GNAZ: variants seen among roughly 807,000 people sequenced by gnomAD.
The protein encoded by GNAZ is G protein subunit alpha z, also known as guanine nucleotide-binding protein G(z) subunit alpha.
A neutral mutation model predicts 25.4 loss-of-function variants in GNAZ; 3 were observed. The observed-to-expected ratio is 0.12, with a 90% CI of 0.05 to 0.30. GNAZ has a LOEUF of 0.30. GNAZ is among the 10% of genes least tolerant of loss of function. GNAZ has a pLI of 1.00. For missense variants in GNAZ, 241 were observed against 501.8 expected (o/e 0.48, Z 4.97); for synonymous variants, 211 against 205.7 (o/e 1.03, Z -0.22).
chr22:23,107,918 C>T (rs568086182), intron 2 of GNAZ, among the ~76,000 whole-genome samples: 61 of 152,330 alleles, frequency 4.0e-4, no homozygotes, highest in African/African-American at 1.4e-3. Context: ...CACTGGAGGG[C>T]CAGCCCAGGG....
chr22:23,110,349 A>G (rs570766609), intron 2 of GNAZ, among the ~76,000 whole-genome samples: 2 of 152,302 alleles, frequency 1.3e-5, no homozygotes, highest in South Asian at 4.1e-4. Context: ...ACACAAGAGG[A>G]AGTCCAGACT....
chr22:23,108,219 C>T, intron 2 of GNAZ, among the ~76,000 whole-genome samples: 1 of 152,268 alleles, frequency 6.6e-6, no homozygotes. Flanking sequence ...TCTGGCCTTG[C>T]CTGCCATCCA....
intron 2 of GNAZ, among the ~76,000 whole-genome samples, chr22:23,116,882 G>A (rs1008383801): frequency 3.9e-5 from 6 of 152,152 alleles, no homozygotes; most frequent in African/African-American, 1.2e-4. Context: ...CAAATATGCC[G>A]CACCTGGGAG....
intron 2 of GNAZ, among the ~76,000 whole-genome samples, chr22:23,113,981 G>A (rs1384350142): frequency 1.3e-5 from 2 of 152,208 alleles, no homozygotes; most frequent in Non-Finnish European, 2.9e-5. Flanking sequence ...CCACCAAGGT[G>A]TCCCCAAGCT....
intron 1 of GNAZ, among the ~76,000 whole-genome samples, chr22:23,091,351 C>T (rs1170036150): frequency 2.0e-5 from 3 of 151,968 alleles, no homozygotes; most frequent in East Asian, 1.9e-4. Flanking sequence ...CACATAGGCA[C>T]CTATGCATAC....
At chr22:23,076,074 G>C (rs2068498652) in intron 1 of GNAZ, among the ~76,000 whole-genome samples, 1 of 152,224 alleles carries the variant, frequency 6.6e-6, no homozygotes. Flanking sequence ...TGAGGAGGAG[G>C]CTGTGCTGGA....
chr22:23,078,281 C>T (rs1417961194), intron 1 of GNAZ, among the ~76,000 whole-genome samples: 1 of 152,244 alleles, frequency 6.6e-6, no homozygotes, highest in Non-Finnish European at 1.5e-5. Flanking sequence ...CTCTCTTTGT[C>T]CTCGGCCAAA....
intron 2 of GNAZ, among the ~76,000 whole-genome samples, chr22:23,110,710 C>T (rs1437488068): frequency 1.3e-5 from 2 of 152,212 alleles, no homozygotes; most frequent in South Asian, 4.1e-4. Flanking sequence ...TGAGGGTGTC[C>T]ACCCTGGTTG....
chr22:23,083,985 G>A (rs2068746840), intron 1 of GNAZ, among the ~76,000 whole-genome samples: 1 of 152,150 alleles, frequency 6.6e-6, no homozygotes, highest in Admixed American at 6.5e-5. Context: ...AGTGTGGTGG[G>A]TGGGAGATGC....
At position 23,123,499 on chromosome 22, in the gene GNAZ, G is replaced by A; in HGVS notation, c.*68G>A. The A allele has an allele frequency of 2.0e-6, 2 of 1,018,402 alleles. No individual in the cohort carries two copies. The highest frequency in any genetic ancestry group is 5.1e-5 in the East Asian group (2 of 38,904). 63.1% of individuals were successfully genotyped at this position (1,018,402 alleles called of 1,614,324 possible). On this transcript the variant is annotated 3_prime_UTR_variant, in exon 3 of 3. Coordinates refer to ENST00000615612, the MANE Select transcript of GNAZ (RefSeq NM_002073.4). ...GGGTGTCATGCCCCAACGCGTGCTA[G>A]AGAGGCCCAATCCAGGGGCAGAAAA...
chr22:23,111,630 C>G (rs2069662300), intron 2 of GNAZ, among the ~76,000 whole-genome samples: 1 of 152,238 alleles, frequency 6.6e-6, no homozygotes, highest in Non-Finnish European at 1.5e-5. Context: ...TTTACTGAGG[C>G]AGGAGCTGCG....
chr22:23,099,230 C>T (rs553167034), intron 2 of GNAZ, among the ~76,000 whole-genome samples: 1 of 152,380 alleles, frequency 6.6e-6, no homozygotes, highest in Non-Finnish European at 1.5e-5. Flanking sequence ...GTGAGGGCTG[C>T]AGTGAGTGCA....
chr22:23,116,446 A>G (rs1317340598), intron 2 of GNAZ, among the ~76,000 whole-genome samples: 4 of 152,248 alleles, frequency 2.6e-5, no homozygotes, highest in African/African-American at 9.6e-5. Flanking sequence ...AGAGCAGGCC[A>G]GTGTCCCTCC....
At chr22:23,113,540 G>A (rs961062244) in intron 2 of GNAZ, among the ~76,000 whole-genome samples, 4 of 152,262 alleles carry the variant, frequency 2.6e-5, no homozygotes, top group African/African-American at 9.6e-5. Flanking sequence ...GGGGAAGCAC[G>A]GGGTTGCAAG....
At chr22:23,083,710 G>A (rs575658280) in intron 1 of GNAZ, among the ~76,000 whole-genome samples, 12 of 152,270 alleles carry the variant, frequency 7.9e-5, no homozygotes, top group East Asian at 7.7e-4. Context: ...AGGAGGAGCC[G>A]GCAGCCCTGA....
chr22:23,089,281 G>C (rs1175999424), intron 1 of GNAZ, among the ~76,000 whole-genome samples: 2 of 152,212 alleles, frequency 1.3e-5, no homozygotes, highest in Admixed American at 1.3e-4. Flanking sequence ...GCCTCAGCCG[G>C]GGGCACTGAC....
intron 1 of GNAZ, among the ~76,000 whole-genome samples, chr22:23,091,206 G>A (rs530108971): frequency 5.3e-5 from 8 of 152,246 alleles, no homozygotes; most frequent in South Asian, 4.1e-4. Flanking sequence ...ATGGATCTGC[G>A]CGTGCACATG....
chr22:23,118,867 G>A (rs763660487), intron 2 of GNAZ, among the ~76,000 whole-genome samples: 10 of 152,102 alleles, frequency 6.6e-5, no homozygotes, highest in Admixed American at 2.6e-4. Context: ...CCCCATGCAG[G>A]CCAGGCCAGG....
intron 2 of GNAZ, among the ~76,000 whole-genome samples, chr22:23,106,069 C>T (rs948970488): frequency 6.6e-6 from 1 of 152,204 alleles, no homozygotes; most frequent in Non-Finnish European, 1.5e-5. Context: ...GACTGGGAGT[C>T]TTTGAGCATT....
Sources: allele counts gnomAD v4.1 joint callset (sites outside exome capture counted in the v4.1 genomes callset), GRCh38; gene constraint gnomAD v4.1.1; transcripts MANE v1.5; gene names NCBI Gene and HGNC (gene_info 2026-07-23, HGNC 2026-07-21).